Variants in LRRFIP1 observed in about 807,000 individuals in gnomAD.
LRRFIP1 encodes the protein leucine-rich repeat flightless-interacting protein 1.
In LRRFIP1, 62 loss-of-function variants were observed where a neutral mutation model predicts 104.4. That is an observed-to-expected ratio of 0.59 (90% CI 0.48 to 0.73). LRRFIP1 has a LOEUF of 0.73. Among genes scored for constraint, LRRFIP1 ranks in the 30% least tolerant of loss-of-function variants. The pLI is 0.00. For synonymous variants in LRRFIP1, 300 were observed against 299.0 expected (o/e 1.00, Z -0.03); for missense variants, 796 against 824.5 (o/e 0.97, Z 0.42).
intron 19 of LRRFIP1, among the ~76,000 whole-genome samples, chr2:237,762,355 A>G (rs1304681824): frequency 6.6e-6 from 1 of 152,162 alleles, no homozygotes; most frequent in Admixed American, 6.5e-5. Context: ...ATCTGTCCAC[A>G]CAAGATGGCA....
In LRRFIP1 at chr2:237,779,495, T is replaced by A; in HGVS notation, c.1886T>A (p.Met629Lys). 1 of 1,613,674 alleles carries A rather than the reference T, an allele frequency of 6.2e-7. No homozygotes were observed. The highest frequency in any genetic ancestry group is 8.5e-7 in the Non-Finnish European group (1 of 1,179,696). Residue 629 changes from methionine (M) to lysine (K), a missense_variant, in exon 24 of 24, where the codon ATG becomes AAG. By Grantham distance (95) the Met-to-Lys change is moderately conservative. Transcript: ENST00000308482. Reference protein sequence around the residue: ...NGHLVKRLEKMKANRSALLSQ... With the variant: ...NGHLVKRLEKKKANRSALLSQ... ...CACTTAGTGAAGCGTCTGGAAAAAA[T>A]GAAAGCAAATCGGAGTGCACTCTTG...
At chr2:237,629,049 C>T (rs1317277867) in intron 1 of LRRFIP1, among the ~76,000 whole-genome samples, 3 of 152,200 alleles carry the variant, frequency 2.0e-5, no homozygotes, top group African/African-American at 7.2e-5. Flanking sequence ...GGCATGCCCG[C>T]GCCTGGCATG....
At chr2:237,666,934 TTCTTTCTTTCTTTTTC>T (rs753861864) in intron 1 of LRRFIP1, among the ~76,000 whole-genome samples, 15 of 111,730 alleles carry the variant, frequency 1.3e-4, no homozygotes, top group Middle Eastern at 0.011. Flanking sequence ...CTTTCTTTCT[TTCTTTCTTTCTTTTTC>T]TTTCTTTCTT....
At chr2:237,708,512 T>C in intron 1 of LRRFIP1, 32 bp from the exon 2 acceptor site, 1 of 1,522,572 alleles carries the variant, frequency 6.6e-7, no homozygotes, top group Non-Finnish European at 8.9e-7. Context: ...CCCGCTGCTC[T>C]GTCCTCTAAT....
chr2:237,749,928 G>A (rs1423467202), intron 13 of LRRFIP1, among the ~76,000 whole-genome samples: 1 of 152,214 alleles, frequency 6.6e-6, no homozygotes, highest in African/African-American at 2.4e-5. Context: ...ATTTGTTAAA[G>A]TAACTAGGGA....
intron 17 of LRRFIP1, 99 bp from the exon 18 acceptor site, chr2:237,758,630 G>A (rs1051977894): frequency 1.3e-6 from 1 of 764,116 alleles, no homozygotes; most frequent in African/African-American, 1.7e-5. Flanking sequence ...GTCCACTAGT[G>A]TTTTAGATGG....
At chr2:237,728,006 A>G (rs979640890) in intron 8 of LRRFIP1, 71 bp downstream of exon 8, 17 of 1,099,832 alleles carry the variant, frequency 1.5e-5, no homozygotes, top group Non-Finnish European at 2.1e-5. Flanking sequence ...CTAAAAACTA[A>G]TTGCTAAATT....
intron 1 of LRRFIP1, among the ~76,000 whole-genome samples, chr2:237,690,912 G>C (rs1165704167): frequency 3.3e-5 from 5 of 151,988 alleles, no homozygotes; most frequent in African/African-American, 2.4e-5. Flanking sequence ...TAAGTTCAAC[G>C]TTTCTTCCCC....
chr2:237,748,464 G>A, intron 12 of LRRFIP1, 65 bp downstream of exon 12: 1 of 1,424,952 alleles, frequency 7.0e-7, no homozygotes, highest in East Asian at 2.3e-5. Context: ...AAGAAAATAT[G>A]TTGCTTGGTT....
intron 1 of LRRFIP1, among the ~76,000 whole-genome samples, chr2:237,700,823 C>A (rs987141551): frequency 4.1e-4 from 63 of 152,182 alleles, no homozygotes; most frequent in African/African-American, 1.4e-3. Context: ...TGGGAGCCGC[C>A]TCTGGTTCAC....
intron 19 of LRRFIP1, chr2:237,765,520 A>C: frequency 1.0e-6 from 1 of 974,616 alleles, no homozygotes. Context: ...AGAGCAGTAA[A>C]AAATGGTTAC....
At chr2:237,670,738 A>G (rs1336895568) in intron 1 of LRRFIP1, among the ~76,000 whole-genome samples, 1 of 152,208 alleles carries the variant, frequency 6.6e-6, no homozygotes, top group Non-Finnish European at 1.5e-5. Flanking sequence ...GCTCAGGACT[A>G]TGGGACCTCT....
intron 8 of LRRFIP1, chr2:237,729,821 A>G (rs558612312): frequency 9.1e-6 from 9 of 985,424 alleles, no homozygotes; most frequent in African/African-American, 3.5e-5. Context: ...CTACTTTGTC[A>G]TCATCCAGGG....
chr2:237,692,441 G>T, intron 1 of LRRFIP1: 1 of 1,514,058 alleles, frequency 6.6e-7, no homozygotes, highest in Non-Finnish European at 8.9e-7. Context: ...GGTGGAGCGG[G>T]CCGAGCCCGG....
Position 237,691,775 on chromosome 2 carries a change from G to A in LRRFIP1, c.97-16769G>A, listed in dbSNP as rs1001382653. Among the ~76,000 whole-genome samples the A allele has an allele frequency of 6.6e-6, 1 of 152,208 alleles. No individual in the cohort carries two copies. Among genetic ancestry groups the A allele is most frequent in the Non-Finnish European group, 1.5e-5 (1 of 68,026 alleles). ...GCGCCCGCTTCCCACGGCCCCTGCG[G>A]GTGGAGCTGCGGCCGGAGCCTGAGG... is the stretch of plus-strand genomic sequence containing the variant. On this transcript the variant is annotated intron_variant, in intron 1 of 23. Coordinates refer to ENST00000308482, the MANE Select transcript of LRRFIP1 (RefSeq NM_001137550.2). This position sits in a 1 kb window ranked among gnomAD's most constrained non-coding sequence, Gnocchi z 5.4.
intron 1 of LRRFIP1, among the ~76,000 whole-genome samples, chr2:237,665,640 C>T (rs79445471): frequency 1.9e-3 from 292 of 152,156 alleles, no homozygotes; most frequent in African/African-American, 6.8e-3. Flanking sequence ...ATATGAAAAC[C>T]GGACACTATG....
intron 1 of LRRFIP1, among the ~76,000 whole-genome samples, chr2:237,645,073 C>T (rs1350429273): frequency 6.6e-6 from 1 of 152,208 alleles, no homozygotes; most frequent in Non-Finnish European, 1.5e-5. Flanking sequence ...GTCCAGCCCA[C>T]ATCCAGGGAA....
chr2:237,741,686 G>A (rs912754282), intron 11 of LRRFIP1, among the ~76,000 whole-genome samples: 6 of 152,032 alleles, frequency 3.9e-5, no homozygotes, highest in Admixed American at 2.6e-4. Flanking sequence ...AAATTAGCCG[G>A]GTGTAGTGGC....
At chr2:237,714,944 G>A (rs965994507) in intron 3 of LRRFIP1, among the ~76,000 whole-genome samples, 2 of 152,198 alleles carry the variant, frequency 1.3e-5, no homozygotes, top group African/African-American at 4.8e-5. Context: ...TGTATACACG[G>A]GAGTCTTTCC....
Sources: gnomAD v4.1 joint callset for allele counts (sites outside exome capture counted in the v4.1 genomes callset) on GRCh38, gnomAD v4.1.1 for gene constraint, Gnocchi (gnomAD v3.1) non-coding constraint, MANE v1.5 for transcripts, NCBI Gene and HGNC (gene_info 2026-07-23, HGNC 2026-07-21) for gene names.